ASTN2: variants seen among roughly 807,000 people sequenced by gnomAD.
ASTN2 encodes the protein astrotactin 2.
Under a neutral mutation model 139.8 loss-of-function variants are expected in ASTN2, and 54 were observed. That is an observed-to-expected ratio of 0.39 (90% CI 0.31 to 0.48). ASTN2 has a LOEUF of 0.48. Ranked by LOEUF, ASTN2 falls within the 20% of genes least tolerant of loss-of-function variation. The probability of loss-of-function intolerance (pLI) is 0.95; values close to 1 mark genes in which losing one functional copy is unlikely to be tolerated. For missense variants in ASTN2, 1,565 were observed against 1,725.1 expected, an observed-to-expected ratio of 0.91 and a Z score of 1.64; for synonymous variants, 756 against 719.5, an observed-to-expected ratio of 1.05 and a Z score of -0.81.
chr9:116,966,030 T>C (rs1836001478), intron 10 of ASTN2, among the ~76,000 whole-genome samples: 1 of 152,118 alleles, frequency 6.6e-6, no homozygotes, highest in African/African-American at 2.4e-5. Context: ...CAGTTTGGGG[T>C]CAGGCTTCAA....
chr9:117,129,561 T>C (rs1476465792), intron 4 of ASTN2, among the ~76,000 whole-genome samples: 1 of 152,204 alleles, frequency 6.6e-6, no homozygotes, highest in Non-Finnish European at 1.5e-5. Flanking sequence ...TATATGTCCA[T>C]TTTATTATAT....
chr9:116,652,585 TCA>T (rs575823148), intron 16 of ASTN2, among the ~76,000 whole-genome samples: 22 of 152,230 alleles, frequency 1.4e-4, no homozygotes, highest in Admixed American at 1.2e-3. Context: ...ATCTGAAATC[TCA>T]GTTCTGCTTG....
Position 116,636,779 on chromosome 9 carries a change from G to A in ASTN2, c.3072+14749C>T, listed in dbSNP as rs1262570643. 2.0e-5 allele frequency among the ~76,000 whole-genome samples: 3 copies of A among 152,290 alleles called. No individual in the cohort carries two copies. The East Asian group carries it at 5.8e-4, about 29-fold the overall frequency. On this transcript the variant is annotated intron_variant, in intron 17 of 22. Coordinates refer to ENST00000313400, the MANE Select transcript of ASTN2 (RefSeq NM_001365068.1). ...CCTGGATAAGACTGAGTTGGCTGTG[G>A]ATTACATCATGATCTCTCCCCGAAA...
chr9:117,245,799 T>C (rs1172640368), intron 2 of ASTN2, among the ~76,000 whole-genome samples: 1 of 152,196 alleles, frequency 6.6e-6, no homozygotes, highest in African/African-American at 2.4e-5. Context: ...TTTGCCTAGC[T>C]AATTCCTTCC....
Position 116,651,798 on chromosome 9 carries a change from A to G in ASTN2, c.2807-5T>C, listed in dbSNP as rs762417680. The G allele has an allele frequency of 5.0e-6, 8 of 1,612,146 alleles. No individual in the cohort carries two copies. The highest frequency in any genetic ancestry group is 6.8e-6 in the Non-Finnish European group (8 of 1,178,432). ...TGCTGCCCAGCTCTGTGGTCTCTGG[A>G]GAGGCACAAGACAGGAAGAGCGAAA... On this transcript the variant is annotated splice_region_variant and splice_polypyrimidine_tract_variant and intron_variant, in intron 16 of 22. Transcript: ENST00000313400.
chr9:117,081,941 C>T (rs973673581), intron 5 of ASTN2, among the ~76,000 whole-genome samples: 2 of 152,152 alleles, frequency 1.3e-5, no homozygotes, highest in Non-Finnish European at 2.9e-5. Context: ...TCCACTGACC[C>T]CTTGACTTCA....
intron 19 of ASTN2, chr9:116,504,222 A>C (rs1051507742): frequency 6.6e-5 from 10 of 152,218 alleles, no homozygotes; most frequent in African/African-American, 2.4e-4. Context: ...ACACTTGATC[A>C]ATGATTAATA....
At chr9:117,403,535 TGC>T (rs1491385112) in intron 1 of ASTN2, among the ~76,000 whole-genome samples, 1 of 151,792 alleles carries the variant, frequency 6.6e-6, no homozygotes, top group Admixed American at 6.6e-5. Context: ...CTTCCCCCGA[TGC>T]CCCACCCCCT....
At position 116,425,916 on chromosome 9, in the gene ASTN2, T is replaced by C. The variant is rs757528661; in HGVS notation, c.3955A>G (p.Ile1319Val). The C allele has an allele frequency of 6.2e-7, 1 of 1,614,120 alleles. No homozygotes were observed. The highest frequency in any genetic ancestry group is 8.5e-7 in the Non-Finnish European group (1 of 1,180,030). The change falls in exon 23 of 23, where the codon ATC (isoleucine) becomes GTC (valine). Residue 1319 changes from isoleucine (I) to valine (V), a missense_variant. Ile to Val is a conservative substitution (Grantham distance 29, BLOSUM62 3). Transcript: ENST00000313400. ...VWYSILKDTK[I>V]TCEEKMVSMA... ...GACACCATCTTCTCCTCACACGTGA[T>C]TTTGGTGTCCTTGAGGATGCTATAC...
At chr9:116,587,259 T>A (rs892408781) in intron 19 of ASTN2, among the ~76,000 whole-genome samples, 2 of 150,908 alleles carry the variant, frequency 1.3e-5, no homozygotes, top group African/African-American at 4.9e-5. Flanking sequence ...GAGAATTGCT[T>A]GAACCCAGGA....
chr9:117,408,677 T>C (rs1415878224), intron 1 of ASTN2, among the ~76,000 whole-genome samples: 1 of 152,102 alleles, frequency 6.6e-6, no homozygotes, highest in East Asian at 1.9e-4. Context: ...AAGCCATGGG[T>C]CATGCCAAAG....
At chr9:116,563,382 T>A (rs923146159) in intron 19 of ASTN2, among the ~76,000 whole-genome samples, 1 of 147,624 alleles carries the variant, frequency 6.8e-6, no homozygotes, top group East Asian at 2.0e-4. Context: ...CTCAAAAAAA[T>A]AAAAATAAAA....
At chr9:116,975,604 G>C (rs959854209) in intron 9 of ASTN2, among the ~76,000 whole-genome samples, 1 of 152,192 alleles carries the variant, frequency 6.6e-6, no homozygotes, top group African/African-American at 2.4e-5. Flanking sequence ...TGTGAGGATA[G>C]GGACCATTGC....
intron 16 of ASTN2, among the ~76,000 whole-genome samples, chr9:116,660,667 C>A (rs1199952142): frequency 6.6e-6 from 1 of 152,116 alleles, no homozygotes; most frequent in Non-Finnish European, 1.5e-5. Context: ...TTGAAACCTG[C>A]CTGATGCTTT....
At chr9:117,052,754 C>A (rs1056708190) in intron 5 of ASTN2, among the ~76,000 whole-genome samples, 1 of 152,182 alleles carries the variant, frequency 6.6e-6, no homozygotes, top group Non-Finnish European at 1.5e-5. Context: ...CTCATAGCAA[C>A]CTTTAGGTCT....
At chr9:117,245,114 C>T (rs1330376190) in intron 2 of ASTN2, among the ~76,000 whole-genome samples, 5 of 152,040 alleles carry the variant, frequency 3.3e-5, no homozygotes, top group Admixed American at 2.0e-4. Flanking sequence ...GTGGCCTCCA[C>T]GGTAATGACC....
intron 20 of ASTN2, among the ~76,000 whole-genome samples, chr9:116,474,466 C>T (rs1016771670): frequency 6.6e-6 from 1 of 152,150 alleles, no homozygotes; most frequent in Non-Finnish European, 1.5e-5. Context: ...AAGAAAAATG[C>T]CAGAAGTCTG....
At chr9:116,774,433 T>C (rs1037481791) in intron 13 of ASTN2, among the ~76,000 whole-genome samples, 1 of 152,194 alleles carries the variant, frequency 6.6e-6, no homozygotes, top group Non-Finnish European at 1.5e-5. Context: ...AGCTTTCTTC[T>C]GGTGGAAAAT....
At chr9:116,840,030 A>G (rs4355850) in intron 11 of ASTN2, among the ~76,000 whole-genome samples, 30,945 of 140,648 alleles carry the variant, frequency 0.22, 3,965 homozygotes, top group East Asian at 0.45. Flanking sequence ...GCAGCCTTCC[A>G]CAGTGTTTGT....
Sources: gnomAD v4.1 joint callset for allele counts (sites outside exome capture counted in the v4.1 genomes callset) on GRCh38, gnomAD v4.1.1 for gene constraint, MANE v1.5 for transcripts, NCBI Gene and HGNC (gene_info 2026-07-23, HGNC 2026-07-21) for gene names.